The following DPF1 variants were observed in gnomAD, a reference collection of about 807,000 sequenced individuals.
The protein encoded by DPF1 is double PHD fingers 1.
DPF1 carries 14 observed loss-of-function variants against 58.7 expected under a neutral mutation model. That is an observed-to-expected ratio of 0.24 (90% confidence interval 0.16 to 0.37). DPF1 has a LOEUF of 0.37. Ranked by LOEUF, DPF1 falls within the 10% of genes least tolerant of loss-of-function variation. The pLI, the probability that DPF1 is intolerant of heterozygous loss-of-function variation, is 1.00. For missense variants in DPF1, 345 were observed against 529.9 expected (o/e 0.65, Z 3.43); for synonymous variants, 216 against 216.0 (o/e 1.00, Z 0.00).
At chr19:38,217,712 G>T (rs1338981208) in intron 6 of DPF1, 86 bp downstream of exon 6, 8 of 1,591,198 alleles carry the variant, frequency 5.0e-6, no homozygotes, top group Non-Finnish European at 6.0e-6. Flanking sequence ...CCCAACCCGG[G>T]TCTGGAACGG....
rs533919458 is a variant in DPF1 at position 38,222,222 on chromosome 19, C to T, written c.298+135G>A. On this transcript the variant is annotated intron_variant, in intron 3 of 11. Coordinates refer to ENST00000355526, the MANE Select transcript of DPF1 (RefSeq NM_001135155.3). The surrounding 1 kb of genome is among the most constrained non-coding windows in gnomAD (Gnocchi z 4.9). The stretch of plus-strand genomic sequence containing the variant: ...AACTGTGGAATCTCTGGGAAACACC[C>T]GGGACGCACATGGGCAGACAGACAC... 2 of 749,926 alleles carry T rather than the reference C, an allele frequency of 2.7e-6. No individual in the cohort carries two copies. The highest frequency in any genetic ancestry group is 1.9e-5 in the South Asian group (1 of 53,086). 46.5% of individuals were successfully genotyped at this position (749,926 alleles called of 1,614,324 possible). A position where few individuals can be genotyped will look rare whatever the true frequency, so the allele number is the denominator to read the frequency against.
chr19:38,214,519 AGCC>A, intron 9 of DPF1, among the ~76,000 whole-genome samples: 1 of 152,154 alleles, frequency 6.6e-6, no homozygotes, highest in African/African-American at 2.4e-5. Flanking sequence ...ATTGCCCACA[AGCC>A]CACCATGGGA....
chr19:38,229,145 G>A (rs1967944934), upstream of DPF1, among the ~76,000 whole-genome samples: 2 of 151,984 alleles, frequency 1.3e-5, no homozygotes, highest in African/African-American at 4.8e-5. The surrounding 1 kb of genome is among the most constrained non-coding windows in gnomAD (Gnocchi z 5.3). Context: ...TTTGATGAGC[G>A]GAGAGCGGGT....
chr19:38,214,269 TACTC>T (rs1305916759), intron 9 of DPF1, among the ~76,000 whole-genome samples: 2 of 152,256 alleles, frequency 1.3e-5, no homozygotes, highest in East Asian at 1.9e-4. Flanking sequence ...ACAAAACTGT[TACTC>T]ACATCACAGC....
Position 38,222,586 on chromosome 19 carries a change from T to A in DPF1, c.152A>T (p.Asn51Ile). ...GGTCTTCTCCATCCAGATGTAGCAG[T>A]TGTTCTGGGCCACGCCGGTCTGCGA... ...LDSQTGVAQN[N>I]CYIWMEKTHR... Residue 51 changes from asparagine to isoleucine, a missense_variant, in exon 2 of 12, where the codon AAC (asparagine) becomes ATC (isoleucine). Transcript: ENST00000355526. The surrounding 1 kb of genome is among the most constrained non-coding windows in gnomAD (Gnocchi z 4.9). 1 of 1,611,864 alleles carries A rather than the reference T, an allele frequency of 6.2e-7. No homozygotes were observed. Among genetic ancestry groups the A allele is most frequent in the Non-Finnish European group, 8.5e-7 (1 of 1,179,198 alleles).
At chr19:38,224,329 C>T (rs998518732), upstream of DPF1, 3 of 1,240,224 alleles carry the variant, frequency 2.4e-6, no homozygotes, top group African/African-American at 1.6e-5. The surrounding 1 kb of genome is among the most constrained non-coding windows in gnomAD (Gnocchi z 4.5). Flanking sequence ...CCAGGGGGCC[C>T]CCGGGACCCC....
rs746141064 is a variant in DPF1 at position 38,224,105 on chromosome 19, C to A, written c.29+9G>T. 7.3e-6 allele frequency: 11 copies of A among 1,503,106 alleles called. No individual in the cohort carries two copies. The Admixed American group carries it at 7.8e-5, about 11-fold the overall frequency. The allele number at this position is 1,503,106 out of a possible 1,614,324, so 93.1% of individuals were successfully genotyped here. On this transcript the variant is annotated intron_variant, in intron 1 of 11. Coordinates refer to ENST00000355526, the MANE Select transcript of DPF1 (RefSeq NM_001135155.3). The surrounding 1 kb of genome is among the most constrained non-coding windows in gnomAD (Gnocchi z 4.5). ...CGCTTCCTCTCCGCCTCCCGCCGGC[C>A]CGCACCACCTCAGGGGGCCAGGGAT...
In DPF1 at chr19:38,224,007, G is replaced by A; in HGVS notation, c.29+107C>T. 1 of 1,338,674 alleles carries A rather than the reference G, an allele frequency of 7.5e-7. No individual in the cohort carries two copies. Among genetic ancestry groups the A allele is most frequent in the Non-Finnish European group, 9.6e-7 (1 of 1,040,482 alleles). 82.9% of individuals were successfully genotyped at this position (1,338,674 alleles called of 1,614,324 possible). ...ACCCCCGCGCAGCCCCGCACTCGGT[G>A]ACAGCCCCCCAGACACCCCTTCGGC... On this transcript the variant is annotated intron_variant, in intron 1 of 11. Coordinates refer to ENST00000355526, the MANE Select transcript of DPF1 (RefSeq NM_001135155.3). The surrounding 1 kb of genome is among the most constrained non-coding windows in gnomAD (Gnocchi z 4.5).
At chr19:38,217,962 G>T (rs766351758) in intron 5 of DPF1, 86 bp from the exon 6 acceptor site, 3 of 1,381,666 alleles carry the variant, frequency 2.2e-6, no homozygotes, top group South Asian at 2.4e-5. Context: ...CCAGCACTTT[G>T]GGAGGCCGAG....
chr19:38,226,423 C>T (rs1411804685), upstream of DPF1, among the ~76,000 whole-genome samples: 4 of 150,940 alleles, frequency 2.7e-5, no homozygotes, highest in East Asian at 5.8e-4. Flanking sequence ...AAGTGGCCCG[C>T]TAGCCTTCAC....
At position 38,229,455 on chromosome 19, in the gene DPF1, T is replaced by G. The variant is rs1170027953; in HGVS notation, c.-132+104A>C. On this transcript the variant is annotated intron_variant, in intron 1 of 11. Coordinates refer to the DPF1 transcript ENST00000412732. The surrounding 1 kb of genome is among the most constrained non-coding windows in gnomAD (Gnocchi z 5.3). The stretch of plus-strand genomic sequence containing the variant: ...TTCGCGCTGGGGGCCCCCATTCAAC[T>G]ACGGTCCGCGCGCTGCGTCCCCCTC... 7.1e-6 allele frequency: 4 copies of G among 565,482 alleles called. No homozygotes were observed. Among genetic ancestry groups the G allele is most frequent in the Non-Finnish European group, 9.0e-6 (4 of 444,522 alleles). 35.0% of individuals were successfully genotyped at this position (565,482 alleles called of 1,614,324 possible).
intron 3 of DPF1, 165 bp from the exon 4 acceptor site, chr19:38,219,223 G>C (rs1967267325): frequency 2.1e-6 from 2 of 969,452 alleles, no homozygotes; most frequent in Non-Finnish European, 3.0e-6. Flanking sequence ...GGGAGACCCA[G>C]TCACGCCCTC....
upstream of DPF1, among the ~76,000 whole-genome samples, chr19:38,229,166 C>T (rs1967945398): frequency 6.6e-6 from 1 of 152,100 alleles, no homozygotes; most frequent in Non-Finnish European, 1.5e-5. The surrounding 1 kb of genome is among the most constrained non-coding windows in gnomAD (Gnocchi z 5.3). Flanking sequence ...GATGGAAACC[C>T]TGGAGACCGA....
At chr19:38,229,175 G>C (rs1371631017), upstream of DPF1, among the ~76,000 whole-genome samples, 2 of 152,090 alleles carry the variant, frequency 1.3e-5, no homozygotes, top group Non-Finnish European at 2.9e-5. The surrounding 1 kb of genome is among the most constrained non-coding windows in gnomAD (Gnocchi z 5.3). Flanking sequence ...CCTGGAGACC[G>C]AGGTCCGGAC....
At chr19:38,227,751 G>A (rs1051120013), upstream of DPF1, among the ~76,000 whole-genome samples, 4 of 152,168 alleles carry the variant, frequency 2.6e-5, no homozygotes, top group Non-Finnish European at 5.9e-5. Context: ...CTCACGGCAG[G>A]GAACATTCGT....
chr19:38,217,737 C>T (rs993995900), intron 6 of DPF1, 61 bp downstream of exon 6: 3 of 1,607,118 alleles, frequency 1.9e-6, no homozygotes, highest in South Asian at 2.2e-5. Flanking sequence ...GAGAGGGCCA[C>T]GAGGTGGGGA....
rs899341329 is a variant in DPF1, at chr19:38,219,152, G to A, written c.299-94C>T. ...TGGGGGGACCATGCTCTTTGCAGGA[G>A]GGAAGAGGCTGCAGAGGCAAGGATT... On this transcript the variant is annotated intron_variant, in intron 3 of 11. Coordinates refer to ENST00000355526, the MANE Select transcript of DPF1 (RefSeq NM_001135155.3). 18 of 1,535,624 alleles carry A rather than the reference G, an allele frequency of 1.2e-5. No homozygotes were observed. The Middle Eastern group carries it at 8.8e-4, about 75-fold the overall frequency.
At chr19:38,220,043 G>C (rs918310716) in intron 3 of DPF1, 26 of 151,690 alleles carry the variant, frequency 1.7e-4, no homozygotes, top group African/African-American at 6.3e-4. Context: ...ACAAAAATTA[G>C]CCGGGTGTAG....
At chr19:38,216,471 GC>G (rs1287689155) in intron 7 of DPF1, 68 bp from the exon 8 acceptor site, 45 of 1,497,662 alleles carry the variant, frequency 3.0e-5, no homozygotes, top group Middle Eastern at 2.0e-4. Context: ...CCCAGCCTCA[GC>G]CCCAAGGATG....
Sources: gnomAD v4.1 joint callset for allele counts (sites outside exome capture counted in the v4.1 genomes callset) on GRCh38, gnomAD v4.1.1 for gene constraint, Gnocchi (gnomAD v3.1) non-coding constraint, MANE v1.5 for transcripts, NCBI Gene and HGNC (gene_info 2026-07-23, HGNC 2026-07-21) for gene names.